The following HS6ST3 variants were observed in gnomAD, a reference collection of about 807,000 sequenced individuals.
The protein encoded by HS6ST3 is heparan sulfate 6-O-sulfotransferase 3.
In HS6ST3, 12 loss-of-function variants were observed where a neutral mutation model predicts 36.7. The observed-to-expected ratio is 0.33, with a 90% CI of 0.21 to 0.53. The LOEUF is 0.53. Ranked by LOEUF, HS6ST3 falls within the 20% of genes least tolerant of loss-of-function variation. The probability of loss-of-function intolerance (pLI) is 0.95; values close to 1 mark genes in which losing one functional copy is unlikely to be tolerated. For missense variants in HS6ST3, 584 were observed against 640.9 expected (o/e 0.91, Z 0.96); for synonymous variants, 240 against 257.5 (o/e 0.93, Z 0.65).
chr13:96,554,416 C>T (rs536333991), intron 1 of HS6ST3, among the ~76,000 whole-genome samples: 1 of 152,294 alleles, frequency 6.6e-6, no homozygotes, highest in African/African-American at 2.4e-5. Flanking sequence ...GTGCATACAT[C>T]TGTTAATATC....
intron 1 of HS6ST3, among the ~76,000 whole-genome samples, chr13:96,806,280 A>C (rs1219614528): frequency 6.6e-6 from 1 of 152,240 alleles, no homozygotes; most frequent in African/African-American, 2.4e-5. Context: ...AGATCGATTA[A>C]TGCATATATT....
At chr13:96,314,055 G>A (rs2054955649) in intron 1 of HS6ST3, among the ~76,000 whole-genome samples, 1 of 152,108 alleles carries the variant, frequency 6.6e-6, no homozygotes. Flanking sequence ...ACAAAAATCA[G>A]CTGGGAATGA....
At position 96,090,655 on chromosome 13, in the gene HS6ST3, C is replaced by A. The variant is rs1464691941; in HGVS notation, c.-208C>A. 1.4e-5 allele frequency among the ~76,000 whole-genome samples: 2 copies of A among 146,678 alleles called. No homozygotes were observed. Among genetic ancestry groups the A allele is most frequent in the African/African-American group, 4.9e-5 (2 of 40,824 alleles). On this transcript the variant is annotated 5_prime_UTR_variant, in exon 1 of 2. Transcript: ENST00000376705. ...AGCCGCAGCCGAGCGCGCCGGCGCC[C>A]GCCTCCCCCGCCCGGCTCGCAGGCC...
chr13:96,821,224 G>A (rs1430754482), intron 1 of HS6ST3, among the ~76,000 whole-genome samples: 1 of 152,210 alleles, frequency 6.6e-6, no homozygotes, highest in Non-Finnish European at 1.5e-5. Flanking sequence ...CAGAGGCCCT[G>A]TGTTCCTTCT....
chr13:96,153,226 C>A (rs1449694495), intron 1 of HS6ST3, among the ~76,000 whole-genome samples: 1 of 152,148 alleles, frequency 6.6e-6, no homozygotes, highest in Admixed American at 6.5e-5. Flanking sequence ...AGGATGCTGC[C>A]TTGAATCTGT....
chr13:96,591,055 GTTT>G (rs58622082), intron 1 of HS6ST3, among the ~76,000 whole-genome samples: 1,608 of 140,758 alleles, frequency 0.011, 20 homozygotes, highest in African/African-American at 0.026. Flanking sequence ...CTAGATGTCT[GTTT>G]TTTTTTTTTG....
chr13:96,498,323 A>G (rs941426513), intron 1 of HS6ST3, among the ~76,000 whole-genome samples: 1 of 152,176 alleles, frequency 6.6e-6, no homozygotes, highest in Non-Finnish European at 1.5e-5. Flanking sequence ...CAGAGGATTG[A>G]GAGACAGGAG....
rs117213096 is a variant in HS6ST3 at position 96,466,384 on chromosome 13, T to C, written c.708-366106T>C. On this transcript the variant is annotated intron_variant, in intron 1 of 1. Transcript: ENST00000376705. ...TGTAGATTAGATCTGTAGAACTTATTCATCTTGCATCACTGGAACTTTGTA... is the reference window on the plus strand; with the variant it reads ...TGTAGATTAGATCTGTAGAACTTATCCATCTTGCATCACTGGAACTTTGTA... Among the ~76,000 whole-genome samples, 194 of 152,340 alleles carry C rather than the reference T, an allele frequency of 1.3e-3. 3 individuals carry two copies. In the East Asian group the frequency reaches 0.035, roughly 27 times the overall value.
At chr13:96,624,192 A>G (rs969628099) in intron 1 of HS6ST3, among the ~76,000 whole-genome samples, 6 of 152,320 alleles carry the variant, frequency 3.9e-5, no homozygotes, top group African/African-American at 1.2e-4. Flanking sequence ...AATAATAATA[A>G]AGTGAAAATC....
chr13:96,768,321 G>A lies in HS6ST3; in HGVS notation c.708-64169G>A, dbSNP rs553774505. On this transcript the variant is annotated intron_variant, in intron 1 of 1. Coordinates refer to ENST00000376705, the MANE Select transcript of HS6ST3 (RefSeq NM_153456.4). ...ATATGCAAAAGGGAGAATGCTTAGC[G>A]TCATTCCCTCAGCTAGTTGACCGTG... 7.2e-5 allele frequency among the ~76,000 whole-genome samples: 11 copies of A among 152,296 alleles called. No homozygotes were observed. In the East Asian group the frequency reaches 1.5e-3, roughly 21 times the overall value.
At chr13:96,801,539 A>G (rs1878070298) in intron 1 of HS6ST3, among the ~76,000 whole-genome samples, 1 of 151,806 alleles carries the variant, frequency 6.6e-6, no homozygotes, top group Admixed American at 6.6e-5. Flanking sequence ...TATTTTAGAT[A>G]TTATCACTGA....
chr13:96,696,861 C>A (rs908019176), intron 1 of HS6ST3, among the ~76,000 whole-genome samples: 4 of 152,032 alleles, frequency 2.6e-5, no homozygotes, highest in Non-Finnish European at 5.9e-5. Flanking sequence ...CCTGCTCTCA[C>A]CAAACCAAAA....
intron 1 of HS6ST3, among the ~76,000 whole-genome samples, chr13:96,554,303 T>G: frequency 6.6e-6 from 1 of 152,224 alleles, no homozygotes; most frequent in Non-Finnish European, 1.5e-5. Flanking sequence ...TATCATATCT[T>G]GCTGTATAAT....
At chr13:96,383,432 A>G (rs1003808946) in intron 1 of HS6ST3, among the ~76,000 whole-genome samples, 2 of 151,956 alleles carry the variant, frequency 1.3e-5, no homozygotes, top group Non-Finnish European at 2.9e-5. Context: ...GTGATTGAGC[A>G]AGACTTGGTC....
intron 1 of HS6ST3, among the ~76,000 whole-genome samples, chr13:96,512,992 G>A (rs2056056814): frequency 1.3e-5 from 2 of 151,602 alleles, no homozygotes; most frequent in South Asian, 2.1e-4. Context: ...TCATCCCTTG[G>A]TTCTTATACG....
chr13:96,542,836 C>T (rs552359776), intron 1 of HS6ST3, among the ~76,000 whole-genome samples: 4 of 152,288 alleles, frequency 2.6e-5, no homozygotes, highest in African/African-American at 9.6e-5. Context: ...AGTTCTGCCC[C>T]ATCTCAGTCC....
intron 1 of HS6ST3, among the ~76,000 whole-genome samples, chr13:96,677,665 C>T (rs897738617): frequency 1.3e-5 from 2 of 152,012 alleles, no homozygotes; most frequent in African/African-American, 4.8e-5. Context: ...GAAAGATTGA[C>T]TTTCAGGATA....
At chr13:96,382,517 C>T (rs1305912575) in intron 1 of HS6ST3, among the ~76,000 whole-genome samples, 3 of 152,174 alleles carry the variant, frequency 2.0e-5, no homozygotes, top group Admixed American at 6.5e-5. Flanking sequence ...TGCTTTCATT[C>T]TTACTGAAGC....
intron 1 of HS6ST3, among the ~76,000 whole-genome samples, chr13:96,764,834 T>C (rs563600253): frequency 6.6e-6 from 1 of 152,302 alleles, no homozygotes; most frequent in Non-Finnish European, 1.5e-5. Flanking sequence ...TATTGATCAC[T>C]TTCCCCTTGG....
Sources: gnomAD v4.1 joint callset for allele counts (sites outside exome capture counted in the v4.1 genomes callset) on GRCh38, gnomAD v4.1.1 for gene constraint, MANE v1.5 for transcripts, NCBI Gene and HGNC (gene_info 2026-07-23, HGNC 2026-07-21) for gene names.